The following NLK variants were observed in gnomAD, a reference collection of about 807,000 sequenced individuals.
The protein encoded by NLK is serine/threonine-protein kinase NLK.
A neutral mutation model predicts 59.0 loss-of-function variants in NLK; 11 were observed. The ratio of observed to expected loss-of-function variants is 0.19; its 90% CI spans 0.12 to 0.31. The LOEUF (loss-of-function observed/expected upper bound fraction) is 0.31, where lower values mean the gene tolerates loss of function less well. Ranked by LOEUF, NLK falls within the 10% of genes least tolerant of loss-of-function variation. The pLI is 1.00. For synonymous variants in NLK, 235 were observed against 235.9 expected (o/e 1.00, Z 0.03); for missense variants, 410 against 661.1 (o/e 0.62, Z 4.16).
At chr17:28,152,294 T>C (rs1423787132) in intron 3 of NLK, among the ~76,000 whole-genome samples, 2 of 152,248 alleles carry the variant, frequency 1.3e-5, no homozygotes, top group African/African-American at 4.8e-5. Flanking sequence ...ATTTCATACT[T>C]ACTCTGTTTT....
At chr17:28,186,155 A>G (rs1909107405) in intron 8 of NLK, among the ~76,000 whole-genome samples, 1 of 152,258 alleles carries the variant, frequency 6.6e-6, no homozygotes, top group African/African-American at 2.4e-5. Flanking sequence ...TATTTAAAAG[A>G]TAAAACAACC....
chr17:28,137,508 C>T lies in NLK; in HGVS notation c.644+4833C>T, dbSNP rs114017940. Among the ~76,000 whole-genome samples, 383 of 152,116 alleles carry T rather than the reference C, an allele frequency of 2.5e-3. 4 individuals carry two copies. Among genetic ancestry groups the T allele is most frequent in the African/African-American group, 8.6e-3 (356 of 41,520 alleles). ...TATCACATATTCAAGTTTTAATAGA[C>T]AAACATTTTAAACCAGCAGGCGCTT... On this transcript the variant is annotated intron_variant, in intron 3 of 10. Coordinates refer to ENST00000407008, the MANE Select transcript of NLK (RefSeq NM_016231.5).
intron 6 of NLK, among the ~76,000 whole-genome samples, chr17:28,170,393 T>C (rs1488143601): frequency 6.6e-6 from 1 of 151,730 alleles, no homozygotes; most frequent in African/African-American, 2.4e-5. Context: ...GAATTATTTC[T>C]TTTATGCTTT....
intron 1 of NLK, among the ~76,000 whole-genome samples, chr17:28,100,540 T>C (rs1046024814): frequency 6.6e-6 from 1 of 152,204 alleles, no homozygotes; most frequent in African/African-American, 2.4e-5. Context: ...TATGAGCTTA[T>C]TAGCCATCTG....
intron 1 of NLK, among the ~76,000 whole-genome samples, chr17:28,102,004 C>T (rs1597680874): frequency 6.6e-6 from 1 of 152,126 alleles, no homozygotes; most frequent in South Asian, 2.1e-4. Flanking sequence ...TTTAACCTAT[C>T]TGTATCTTTT....
chr17:28,073,306 A>G (rs988387125), intron 1 of NLK, among the ~76,000 whole-genome samples: 1 of 152,186 alleles, frequency 6.6e-6, no homozygotes, highest in Admixed American at 6.5e-5. Context: ...GCATATTTGT[A>G]AAGGTATAGT....
intron 7 of NLK, among the ~76,000 whole-genome samples, chr17:28,176,298 T>C: frequency 6.6e-6 from 1 of 152,212 alleles, no homozygotes; most frequent in East Asian, 1.9e-4. Flanking sequence ...CTTCTAAAAA[T>C]TCAATACAAG....
chr17:28,076,884 ATTTC>A (rs1910175619), intron 1 of NLK, among the ~76,000 whole-genome samples: 1 of 152,010 alleles, frequency 6.6e-6, no homozygotes, highest in African/African-American at 2.4e-5. Context: ...CTCTCTTCCT[ATTTC>A]TTCTGCCTCT....
chr17:28,133,127 T>C (rs1906589348), intron 3 of NLK, among the ~76,000 whole-genome samples: 1 of 152,216 alleles, frequency 6.6e-6, no homozygotes, highest in Non-Finnish European at 1.5e-5. Context: ...CTTAGAATGA[T>C]GGTGGTGGTA....
At chr17:28,102,516 G>T (rs1567714356) in intron 1 of NLK, among the ~76,000 whole-genome samples, 1 of 152,016 alleles carries the variant, frequency 6.6e-6, no homozygotes, top group African/African-American at 2.4e-5. Context: ...GGACATGGTG[G>T]TGCATGCCTG....
chr17:28,064,437 A>T (rs1187579932), intron 1 of NLK, among the ~76,000 whole-genome samples: 1 of 152,084 alleles, frequency 6.6e-6, no homozygotes, highest in African/African-American at 2.4e-5. Flanking sequence ...GGCTTGAGCC[A>T]CTGCACCTGG....
intron 1 of NLK, among the ~76,000 whole-genome samples, chr17:28,111,943 G>A (rs186046437): frequency 1.4e-3 from 198 of 141,364 alleles, no homozygotes; most frequent in South Asian, 3.4e-3. Context: ...GTGTGTGTGT[G>A]TGTATGTGTA....
chr17:28,199,248 G>A (rs1327374267), downstream of NLK, among the ~76,000 whole-genome samples: 1 of 152,164 alleles, frequency 6.6e-6, no homozygotes, highest in African/African-American at 2.4e-5. Context: ...CTTGTGCATT[G>A]CTGCTGAGAA....
chr17:28,143,216 G>A (rs868081827), intron 3 of NLK, among the ~76,000 whole-genome samples: 8 of 151,812 alleles, frequency 5.3e-5, no homozygotes, highest in Admixed American at 1.3e-4. Flanking sequence ...GCTAATTTTT[G>A]TATTTTTAAT....
chr17:28,153,233 C>T (rs1907558464), intron 3 of NLK, among the ~76,000 whole-genome samples: 1 of 150,770 alleles, frequency 6.6e-6, no homozygotes, highest in Non-Finnish European at 1.5e-5. Context: ...GAGATCATGC[C>T]ATTGCACTCC....
rs1489267106 is a variant in NLK at position 28,195,169 on chromosome 17, G to A, written c.*533G>A. ...ACCTGGGGGGAGGGTAGGGAGGAGG[G>A]GCATGCCACCTAATGATCAAGCCCT... On this transcript the variant is annotated 3_prime_UTR_variant, in exon 11 of 11. Transcript: ENST00000407008. 2 of 152,098 alleles carry A rather than the reference G, an allele frequency of 1.3e-5. No homozygotes were observed. The highest frequency in any genetic ancestry group is 2.4e-5 in the African/African-American group (1 of 41,326). The allele number at this position is 152,098 out of a possible 1,614,324, so 9.4% of individuals were successfully genotyped here.
At chr17:28,199,690 C>CAAAAAAAAAAAAAAA (rs1909578442), downstream of NLK, among the ~76,000 whole-genome samples, 1 of 37,596 alleles carries the variant, frequency 2.7e-5, no homozygotes, top group African/African-American at 9.7e-5. Flanking sequence ...AAAAACAAAA[C>CAAAAAAAAAAAAAAA]AAAACAAAAA....
chr17:28,138,257 T>G (rs1009356550), intron 3 of NLK, among the ~76,000 whole-genome samples: 2 of 152,228 alleles, frequency 1.3e-5, no homozygotes, highest in African/African-American at 4.8e-5. Context: ...AAGCATAACT[T>G]AGCATTCTAT....
At position 28,070,737 on chromosome 17, in the gene NLK, A is replaced by G. The variant is rs142129276; in HGVS notation, c.458+27406A>G. On this transcript the variant is annotated intron_variant, in intron 1 of 10. Transcript: ENST00000407008. ...TTTAAAATACTAATTTTAAAGTAAA[A>G]TATTAATTTTAAAGTAAAATACTAA... 6.5e-3 allele frequency among the ~76,000 whole-genome samples: 993 copies of G among 151,712 alleles called. 16 individuals carry two copies. The highest frequency in any genetic ancestry group is 0.022 in the African/African-American group (927 of 41,476).
Sources: allele counts gnomAD v4.1 joint callset (sites outside exome capture counted in the v4.1 genomes callset), GRCh38; gene constraint gnomAD v4.1.1; transcripts MANE v1.5; gene names NCBI Gene and HGNC (gene_info 2026-07-23, HGNC 2026-07-21).